Variants in DENND1A observed in about 807,000 individuals in gnomAD.
The protein encoded by DENND1A is DENN domain-containing protein 1A.
Under a neutral mutation model 113.7 loss-of-function variants are expected in DENND1A, and 51 were observed. The ratio of observed to expected loss-of-function variants is 0.45; its 90% CI spans 0.36 to 0.57. The LOEUF (loss-of-function observed/expected upper bound fraction) is 0.57. Among genes scored for constraint, DENND1A ranks in the 20% least tolerant of loss-of-function variants. The probability of loss-of-function intolerance (pLI) is 0.00; values close to 1 mark genes in which losing one functional copy is unlikely to be tolerated. For missense variants in DENND1A, 1,258 were observed against 1,395.9 expected (o/e 0.90, Z 1.57); for synonymous variants, 565 against 570.8 (o/e 0.99, Z 0.14).
At chr9:123,554,979 C>T (rs2057338355) in intron 13 of DENND1A, among the ~76,000 whole-genome samples, 1 of 152,210 alleles carries the variant, frequency 6.6e-6, no homozygotes, top group South Asian at 2.1e-4. Context: ...AACATGGATA[C>T]TCAGTATACT....
Position 123,892,395 on chromosome 9 carries a change from G to A in DENND1A, c.18-13374C>T, listed in dbSNP as rs561634315. ...TAACAAACCTTAAAAAGCAAGACTCGGAAGGAGCACATTATTTCAAAGTAA... is the reference window on the plus strand; with the variant it reads ...TAACAAACCTTAAAAAGCAAGACTCAGAAGGAGCACATTATTTCAAAGTAA... On this transcript the variant is annotated intron_variant, in intron 1 of 23. Transcript: ENST00000394215. Among the ~76,000 whole-genome samples, 7 of 152,176 alleles carry A rather than the reference G, an allele frequency of 4.6e-5. No homozygotes were observed. The South Asian group carries it at 1.0e-3, about 23-fold the overall frequency.
chr9:123,631,022 A>G (rs1032652730), intron 9 of DENND1A, among the ~76,000 whole-genome samples: 2 of 152,208 alleles, frequency 1.3e-5, no homozygotes, highest in Non-Finnish European at 2.9e-5. Flanking sequence ...CTCTACTACC[A>G]TTAAGTAATA....
At chr9:123,504,597 C>T (rs530532391) in intron 13 of DENND1A, among the ~76,000 whole-genome samples, 1 of 152,314 alleles carries the variant, frequency 6.6e-6, no homozygotes, top group East Asian at 1.9e-4. Flanking sequence ...TTCAGAACAT[C>T]ATGTACTTTC....
intron 18 of DENND1A, among the ~76,000 whole-genome samples, chr9:123,447,028 A>G (rs1330592756): frequency 2.0e-5 from 3 of 152,222 alleles, no homozygotes; most frequent in Non-Finnish European, 4.4e-5. Flanking sequence ...CTGCTTTTAA[A>G]GCAGGGCATT....
chr9:123,629,838 C>T (rs149381502), intron 10 of DENND1A, among the ~76,000 whole-genome samples: 1 of 152,256 alleles, frequency 6.6e-6, no homozygotes, highest in Non-Finnish European at 1.5e-5. Flanking sequence ...GTTTTTGTCC[C>T]CAGTTTACAA....
intron 2 of DENND1A, among the ~76,000 whole-genome samples, chr9:123,870,209 GC>G (rs1846348237): frequency 6.6e-6 from 1 of 151,200 alleles, no homozygotes; most frequent in Non-Finnish European, 1.5e-5. Context: ...TGATTTATCT[GC>G]CCCCACATTA....
chr9:123,450,619 A>T, intron 18 of DENND1A, 74 bp downstream of exon 18: 6 of 1,219,598 alleles, frequency 4.9e-6, no homozygotes, highest in Non-Finnish European at 5.9e-6. Context: ...CCCTCTATTG[A>T]TCCCCTCATA....
intron 13 of DENND1A, among the ~76,000 whole-genome samples, chr9:123,549,398 G>A (rs1376789200): frequency 6.6e-6 from 1 of 152,120 alleles, no homozygotes; most frequent in Admixed American, 6.5e-5. Flanking sequence ...GCTTGTCTGT[G>A]TGGAGGGCAG....
chr9:123,892,984 A>C (rs1171862545), intron 1 of DENND1A, among the ~76,000 whole-genome samples: 1 of 152,180 alleles, frequency 6.6e-6, no homozygotes, highest in East Asian at 1.9e-4. Context: ...GCCGTCTCAA[A>C]AATAATAAGA....
chr9:123,677,750 C>G (rs1418753137), intron 5 of DENND1A, among the ~76,000 whole-genome samples: 2 of 152,146 alleles, frequency 1.3e-5, no homozygotes. Context: ...AATGGTTTTT[C>G]TAAAATGCAA....
intron 2 of DENND1A, among the ~76,000 whole-genome samples, chr9:123,865,711 T>C (rs899288295): frequency 2.0e-5 from 3 of 151,662 alleles, no homozygotes; most frequent in Non-Finnish European, 4.4e-5. Flanking sequence ...GATGATAATA[T>C]GAGATATTAT....
At chr9:123,807,969 C>T (rs190647327) in intron 2 of DENND1A, among the ~76,000 whole-genome samples, 230 of 152,220 alleles carry the variant, frequency 1.5e-3, no homozygotes, top group Non-Finnish European at 2.7e-3. Context: ...CTCACACCTG[C>T]AAGCCCAGCA....
At chr9:123,684,263 C>T (rs1333367411) in intron 5 of DENND1A, among the ~76,000 whole-genome samples, 2 of 152,170 alleles carry the variant, frequency 1.3e-5, no homozygotes, top group Non-Finnish European at 2.9e-5. Context: ...CCACAGGCCT[C>T]CTGTTGCCCA....
chr9:123,508,768 A>G (rs556255543), intron 13 of DENND1A, among the ~76,000 whole-genome samples: 1 of 152,352 alleles, frequency 6.6e-6, no homozygotes, highest in South Asian at 2.1e-4. Flanking sequence ...AAAAAAGTAT[A>G]AAAGAATAGA....
intron 13 of DENND1A, among the ~76,000 whole-genome samples, chr9:123,531,950 G>A (rs1036044377): frequency 6.6e-6 from 1 of 152,124 alleles, no homozygotes; most frequent in African/African-American, 2.4e-5. Flanking sequence ...CACCAGACAT[G>A]GGCAGGACAG....
intron 9 of DENND1A, among the ~76,000 whole-genome samples, chr9:123,639,777 CAAA>C (rs199515973): frequency 2.8e-3 from 320 of 115,648 alleles, no homozygotes; most frequent in African/African-American, 8.7e-3. Context: ...AACTCCATCT[CAAA>C]AAAAAAAAAA....
At chr9:123,646,096 A>G (rs913149552) in intron 9 of DENND1A, among the ~76,000 whole-genome samples, 1 of 152,244 alleles carries the variant, frequency 6.6e-6, no homozygotes, top group African/African-American at 2.4e-5. Flanking sequence ...AATAAACTGG[A>G]CAATAAAATT....
chr9:123,581,463 A>T (rs980467418), intron 12 of DENND1A, among the ~76,000 whole-genome samples: 6 of 152,014 alleles, frequency 3.9e-5, no homozygotes, highest in Non-Finnish European at 8.8e-5. Flanking sequence ...GCAAGACTCC[A>T]TCTCTACAAA....
At chr9:123,832,566 T>A (rs1296006672) in intron 2 of DENND1A, among the ~76,000 whole-genome samples, 1 of 152,190 alleles carries the variant, frequency 6.6e-6, no homozygotes, top group Non-Finnish European at 1.5e-5. Context: ...TTTACTATAA[T>A]GTCATAGCTC....
Sources: allele counts gnomAD v4.1 joint callset (sites outside exome capture counted in the v4.1 genomes callset), GRCh38; gene constraint gnomAD v4.1.1; transcripts MANE v1.5; gene names NCBI Gene and HGNC (gene_info 2026-07-23, HGNC 2026-07-21).